The following HSPBAP1 variants were observed in gnomAD, a reference collection of about 807,000 sequenced individuals.
The protein encoded by HSPBAP1 is HSPB1 associated protein 1.
A neutral mutation model predicts 45.2 loss-of-function variants in HSPBAP1; 27 were observed. That is an observed-to-expected ratio of 0.60 (90% CI 0.44 to 0.82). The LOEUF (loss-of-function observed/expected upper bound fraction) is 0.82, where lower values mean the gene tolerates loss of function less well. Ranked by LOEUF, HSPBAP1 falls within the 40% of genes least tolerant of loss-of-function variation. HSPBAP1 has a pLI of 0.00. For synonymous variants in HSPBAP1, 204 were observed against 202.7 expected (o/e 1.01, Z -0.06); for missense variants, 510 against 590.9 (o/e 0.86, Z 1.42).
intron 1 of HSPBAP1, chr3:122,786,472 G>A (rs898908323): frequency 2.0e-5 from 3 of 152,186 alleles, no homozygotes; most frequent in African/African-American, 7.2e-5. Flanking sequence ...TACTTGGGTA[G>A]ATATAACTGG....
At chr3:122,781,541 C>T (rs1205413176) in intron 1 of HSPBAP1, among the ~76,000 whole-genome samples, 5 of 152,104 alleles carry the variant, frequency 3.3e-5, no homozygotes, top group African/African-American at 7.2e-5. Flanking sequence ...AGAGGCAGAC[C>T]GTAGGAGAGG....
chr3:122,775,655 G>A (rs891034539), intron 2 of HSPBAP1, among the ~76,000 whole-genome samples: 2 of 152,118 alleles, frequency 1.3e-5, no homozygotes, highest in African/African-American at 4.8e-5. Context: ...TGGCAAGGAT[G>A]TGGAAAAAAC....
rs151133149 is a variant in HSPBAP1, at chr3:122,768,252, A to G, written c.432+449T>C. Among the ~76,000 whole-genome samples the G allele has an allele frequency of 2.0e-5, 3 of 152,314 alleles. No individual in the cohort carries two copies. In the East Asian group the frequency reaches 5.8e-4, roughly 29 times the overall value. On this transcript the variant is annotated intron_variant, in intron 3 of 7. Coordinates refer to ENST00000306103, the MANE Select transcript of HSPBAP1 (RefSeq NM_024610.6). ...TGCCTCAGGCCATGAACTGCCAGAG[A>G]AAACAGCTGTCCAAAACCCCTAGAG...
intron 2 of HSPBAP1, among the ~76,000 whole-genome samples, chr3:122,776,185 T>C (rs952884749): frequency 4.6e-5 from 7 of 152,206 alleles, no homozygotes; most frequent in Non-Finnish European, 7.3e-5. Context: ...TAGAATTAGA[T>C]AGTAGTGATG....
chr3:122,747,073 A>C, intron 6 of HSPBAP1, among the ~76,000 whole-genome samples: 1 of 151,118 alleles, frequency 6.6e-6, no homozygotes, highest in African/African-American at 2.4e-5. Context: ...CCCGGCCGCC[A>C]CCCCATCTGG....
At chr3:122,755,201 G>A in intron 5 of HSPBAP1, 59 bp downstream of exon 5, 1 of 1,370,322 alleles carries the variant, frequency 7.3e-7, no homozygotes, top group Middle Eastern at 2.0e-4. Flanking sequence ...ATAAGGACTT[G>A]AGAGAGTTAC....
At position 122,759,154 on chromosome 3, in the gene HSPBAP1, C is replaced by T. The variant is rs1285462549; in HGVS notation, c.569+70G>A. 2.6e-6 allele frequency: 4 copies of T among 1,519,424 alleles called. No individual in the cohort carries two copies. In the African/African-American group the frequency reaches 5.5e-5, roughly 21 times the overall value. The allele number at this position is 1,519,424 out of a possible 1,614,324, so 94.1% of individuals were successfully genotyped here. On this transcript the variant is annotated intron_variant, in intron 4 of 7. Transcript: ENST00000306103. ...TGGGGTATTGCCCTATTCTCTCTGC[C>T]ACCCCTATTGCATGCATGCACATGT...
intron 1 of HSPBAP1, among the ~76,000 whole-genome samples, chr3:122,781,882 C>G (rs1935499697): frequency 6.6e-6 from 1 of 152,116 alleles, no homozygotes; most frequent in Admixed American, 6.6e-5. Context: ...TAGTGGGCAC[C>G]TAGGCAGATT....
chr3:122,746,296 G>A (rs1036031670), intron 6 of HSPBAP1, among the ~76,000 whole-genome samples: 3 of 136,880 alleles, frequency 2.2e-5, no homozygotes, highest in African/African-American at 8.3e-5. Flanking sequence ...AAAATCAAAA[G>A]GTTTTTTTTT....
At chr3:122,776,816 A>G (rs1380629496) in intron 2 of HSPBAP1, among the ~76,000 whole-genome samples, 1 of 152,238 alleles carries the variant, frequency 6.6e-6, no homozygotes, top group Non-Finnish European at 1.5e-5. Flanking sequence ...CAAAAACTAA[A>G]TAATTCTGTC....
At chr3:122,771,491 A>G (rs556159565) in intron 2 of HSPBAP1, among the ~76,000 whole-genome samples, 28 of 152,348 alleles carry the variant, frequency 1.8e-4, no homozygotes, top group African/African-American at 6.5e-4. Context: ...TATTATAAAA[A>G]GGGGTCCTAA....
intron 2 of HSPBAP1, among the ~76,000 whole-genome samples, chr3:122,775,011 T>A (rs1312884918): frequency 6.6e-6 from 1 of 151,862 alleles, no homozygotes; most frequent in Non-Finnish European, 1.5e-5. Flanking sequence ...TTGTAAGCAA[T>A]CTAAATCATC....
At chr3:122,777,964 T>C (rs879939835) in intron 1 of HSPBAP1, 58 bp from the exon 2 acceptor site, 7 of 1,157,748 alleles carry the variant, frequency 6.0e-6, no homozygotes, top group African/African-American at 3.1e-5. Context: ...TTTCATACAA[T>C]ATGGAGAAAA....
At chr3:122,774,690 T>C (rs770901048) in intron 2 of HSPBAP1, among the ~76,000 whole-genome samples, 1 of 152,124 alleles carries the variant, frequency 6.6e-6, no homozygotes, top group Non-Finnish European at 1.5e-5. Context: ...GCCACGCAAC[T>C]ATGGAGGTGA....
intron 6 of HSPBAP1, among the ~76,000 whole-genome samples, chr3:122,747,374 G>A (rs374448535): frequency 0.19 from 27,852 of 149,318 alleles, 2,156 homozygotes; most frequent in African/African-American, 0.22. Context: ...GAGACCCTCC[G>A]CCTGGCAACC....
chr3:122,784,918 T>C (rs1255100081), intron 1 of HSPBAP1, among the ~76,000 whole-genome samples: 3 of 152,232 alleles, frequency 2.0e-5, no homozygotes, highest in Non-Finnish European at 4.4e-5. Flanking sequence ...AAAGTGCTCA[T>C]GTGATCTTAT....
intron 3 of HSPBAP1, among the ~76,000 whole-genome samples, chr3:122,759,899 A>G (rs1934508460): frequency 6.6e-6 from 1 of 152,242 alleles, no homozygotes; most frequent in Non-Finnish European, 1.5e-5. Context: ...GACCACATAA[A>G]TGAAGACTTC....
Position 122,740,621 on chromosome 3 carries a change from C to T in HSPBAP1, c.1191G>A (p.Gln397=), listed in dbSNP as rs1359874425. 6.2e-7 allele frequency: 1 copy of T among 1,614,038 alleles called. No homozygotes were observed. The highest frequency in any genetic ancestry group is 1.3e-5 in the African/African-American group (1 of 74,952). Residue 397 remains glutamine (Q), a synonymous_variant, in exon 8 of 8, where the codon CAG becomes CAA. Transcript: ENST00000306103. ...PFGPDLVPVA[Q]RSEEPPSERG... is the part of the protein sequence containing the mutation. Reference sequence around the variant, plus strand: ...TTTCTGAAGGCGGTTCTTCGGACCTCTGTGCTACAGGGACCAGATCAGGGC... The same window carrying T: ...TTTCTGAAGGCGGTTCTTCGGACCTTTGTGCTACAGGGACCAGATCAGGGC...
chr3:122,747,321 A>G (rs1158205868), intron 6 of HSPBAP1, among the ~76,000 whole-genome samples: 86 of 140,026 alleles, frequency 6.1e-4, no homozygotes, highest in African/African-American at 1.2e-3. Context: ...CCATCTAGGA[A>G]GTGAGGAGCG....
Sources: allele counts gnomAD v4.1 joint callset (sites outside exome capture counted in the v4.1 genomes callset), GRCh38; gene constraint gnomAD v4.1.1; transcripts MANE v1.5; gene names NCBI Gene and HGNC (gene_info 2026-07-23, HGNC 2026-07-21).